The following KIF5A variants were observed in gnomAD, a reference collection of about 807,000 sequenced individuals.
KIF5A encodes kinesin heavy chain isoform 5A.
In KIF5A, 35 loss-of-function variants were observed where a neutral mutation model predicts 141.3. The ratio of observed to expected loss-of-function variants is 0.25; its 90% CI spans 0.19 to 0.33. The LOEUF (loss-of-function observed/expected upper bound fraction) is 0.33. Among genes scored for constraint, KIF5A ranks in the 10% least tolerant of loss-of-function variants. KIF5A has a pLI of 1.00. For missense variants in KIF5A, 861 were observed against 1,314.3 expected, an observed-to-expected ratio of 0.66 and a Z score of 5.33; for synonymous variants, 448 against 500.2, an observed-to-expected ratio of 0.90 and a Z score of 1.39.
intron 15 of KIF5A, among the ~76,000 whole-genome samples, chr12:57,573,929 A>G (rs1882338638): frequency 6.6e-6 from 1 of 150,914 alleles, no homozygotes; most frequent in South Asian, 2.1e-4. Flanking sequence ...AAAAAATACA[A>G]AAAATTAGCC....
chr12:57,551,672 C>T (rs1257474604), intron 1 of KIF5A, among the ~76,000 whole-genome samples: 2 of 152,128 alleles, frequency 1.3e-5, no homozygotes, highest in African/African-American at 2.4e-5. Context: ...ATCCACAGTG[C>T]TTGGCACAGA....
At chr12:57,568,033 C>G (rs1211353958) in intron 8 of KIF5A, among the ~76,000 whole-genome samples, 2 of 151,988 alleles carry the variant, frequency 1.3e-5, no homozygotes, top group African/African-American at 4.8e-5. Context: ...CAGGCTCCCG[C>G]CACCAAGCCC....
chr12:57,556,292 C>A (rs1432287997), intron 1 of KIF5A, among the ~76,000 whole-genome samples: 2 of 152,084 alleles, frequency 1.3e-5, no homozygotes, highest in African/African-American at 4.8e-5. Context: ...GCGCCTGCCA[C>A]CACGCCCGGC....
chr12:57,562,881 C>T (rs901389832), intron 1 of KIF5A, among the ~76,000 whole-genome samples: 2 of 151,986 alleles, frequency 1.3e-5, no homozygotes, highest in African/African-American at 4.8e-5. Flanking sequence ...GTGGAGTGCT[C>T]AATCATCACA....
chr12:57,569,640 G>C lies in KIF5A; in HGVS notation c.1074G>C (p.Glu358Asp), dbSNP rs771092084. 6.2e-7 allele frequency: 1 copy of C among 1,614,120 alleles called. No individual in the cohort carries two copies. Among genetic ancestry groups the C allele is most frequent in the Admixed American group, 1.7e-5 (1 of 60,022 alleles). The change falls in exon 11 of 29, where the codon GAG (glutamate) becomes GAC (aspartate). Residue 358 changes from glutamate to aspartate, a missense_variant. Transcript: ENST00000455537. ...AGGAGAAGACAAAGGCCCAGAAGGA[G>C]ACGATTGCGAAGCTGGAGGCTGAGC... ...KEKEKTKAQK[E>D]TIAKLEAELS...
At chr12:57,583,752 G>A (rs1026277460) in intron 28 of KIF5A, among the ~76,000 whole-genome samples, 5 of 152,126 alleles carry the variant, frequency 3.3e-5, no homozygotes, top group African/African-American at 7.2e-5. Context: ...ATCAGTCAGC[G>A]CTCCCCTCCC....
At chr12:57,556,695 T>TG (rs1565693264) in intron 1 of KIF5A, among the ~76,000 whole-genome samples, 1 of 77,974 alleles carries the variant, frequency 1.3e-5, no homozygotes, top group Admixed American at 1.4e-4. Context: ...CATGTGTTTG[T>TG]GGGGGGAGGG....
At chr12:57,577,952 G>C in intron 21 of KIF5A, 57 bp from the exon 22 acceptor site, 1 of 1,421,980 alleles carries the variant, frequency 7.0e-7, no homozygotes, top group Admixed American at 1.7e-5. Context: ...TATAATTCTG[G>C]AGGAATAGGA....
intron 11 of KIF5A, 60 bp downstream of exon 11, chr12:57,569,743 C>A: frequency 7.5e-6 from 12 of 1,597,650 alleles, no homozygotes; most frequent in Non-Finnish European, 1.0e-5. Context: ...TGTTTGGGAG[C>A]CAACTCTGTT....
intron 5 of KIF5A, 105 bp downstream of exon 5, chr12:57,564,613 C>A: frequency 1.0e-6 from 1 of 977,142 alleles, no homozygotes; most frequent in Non-Finnish European, 1.7e-6. Flanking sequence ...ATGCAGAGGG[C>A]ACACAGCACC....
rs867837134 is a variant in KIF5A, at chr12:57,572,134, C to T, written c.1436C>T (p.Ala479Val). Reference protein sequence around the residue: ...ELSHLQSENDAAKDEVKEVLQ... With the variant: ...ELSHLQSENDVAKDEVKEVLQ... ...AGCCACCTGCAATCAGAGAACGATG[C>T]CGCTAAGGATGAGGTGAAGGAAGTG... The change falls in exon 14 of 29, where the codon GCC (alanine) becomes GTC (valine). Residue 479 changes from alanine (A) to valine (V), a missense_variant. Physicochemically the swap from Ala to Val is moderately conservative, Grantham distance 64. Transcript: ENST00000455537. This position sits in a 1 kb window ranked among gnomAD's most constrained non-coding sequence, Gnocchi z 4.2. The T allele has an allele frequency of 6.2e-7, 1 of 1,614,074 alleles. No individual in the cohort carries two copies. The highest frequency in any genetic ancestry group is 8.5e-7 in the Non-Finnish European group (1 of 1,180,022).
chr12:57,564,812 TCTTC>T (rs1482538763), intron 5 of KIF5A, 102 bp from the exon 6 acceptor site: 1 of 1,085,212 alleles, frequency 9.2e-7, no homozygotes, highest in Non-Finnish European at 1.4e-6. Context: ...ACAGGGAGAG[TCTTC>T]CTTTAGCACA....
rs565789768 is a variant in KIF5A at position 57,575,957 on chromosome 12, G to A, written c.2024-130G>A. ...TTCTCTGTTCCTGCTATATCAAATT[G>A]GACAGTCCTAACACAGAAGAACATC... On this transcript the variant is annotated intron_variant, in intron 17 of 28. Coordinates refer to ENST00000455537, the MANE Select transcript of KIF5A (RefSeq NM_004984.4). 121 of 970,294 alleles carry A rather than the reference G, an allele frequency of 1.2e-4. 1 individual carries two copies. In the African/African-American group the frequency reaches 1.7e-3, roughly 14 times the overall value. The allele number at this position is 970,294 out of a possible 1,614,324, so 60.1% of individuals were successfully genotyped here.
At position 57,551,886 on chromosome 12, in the gene KIF5A, C is replaced by G. The variant is rs1335077015; in HGVS notation, c.129+1486C>G. Among the ~76,000 whole-genome samples, 3 of 151,930 alleles carry G rather than the reference C, an allele frequency of 2.0e-5. No individual in the cohort carries two copies. In the South Asian group the frequency reaches 6.2e-4, roughly 32 times the overall value. ...GGATGCTTTTGGTCTCTCTCTCTCT[C>G]TCTCTCTCTCTCTCTCTCTCTGTGT... On this transcript the variant is annotated intron_variant, in intron 1 of 28. Coordinates refer to ENST00000455537, the MANE Select transcript of KIF5A (RefSeq NM_004984.4).
At chr12:57,571,410 A>C in intron 13 of KIF5A, 21 bp downstream of exon 13, 1 of 1,613,156 alleles carries the variant, frequency 6.2e-7, no homozygotes, top group Non-Finnish European at 8.5e-7. Flanking sequence ...GGAGGGCAGG[A>C]CATGAGAGGA....
At position 57,556,121 on chromosome 12, in the gene KIF5A, A is replaced by G. The variant is rs139970127; in HGVS notation, c.129+5721A>G. Among the ~76,000 whole-genome samples the G allele has an allele frequency of 3.2e-3, 471 of 146,786 alleles. 19 individuals are homozygous for G. In the East Asian group the frequency reaches 0.073, roughly 23 times the overall value. Reference sequence around the variant, plus strand: ...CCCTGCTCAGGAGATTACTAAATGCACCAATTTTTAGCTCTTGGGTATCTT... The same window carrying G: ...CCCTGCTCAGGAGATTACTAAATGCGCCAATTTTTAGCTCTTGGGTATCTT... On this transcript the variant is annotated intron_variant, in intron 1 of 28. Coordinates refer to ENST00000455537, the MANE Select transcript of KIF5A (RefSeq NM_004984.4).
rs1485307416 is a variant in KIF5A, at chr12:57,572,837, A to G, written c.1716+111A>G. 2.5e-5 allele frequency: 33 copies of G among 1,313,830 alleles called. No homozygotes were observed. In the Admixed American group the frequency reaches 5.4e-4, roughly 21 times the overall value. 81.4% of individuals were successfully genotyped at this position (1,313,830 alleles called of 1,614,324 possible). On this transcript the variant is annotated intron_variant, in intron 15 of 28. Coordinates refer to ENST00000455537, the MANE Select transcript of KIF5A (RefSeq NM_004984.4). This position sits in a 1 kb window ranked among gnomAD's most constrained non-coding sequence, Gnocchi z 4.2. ...AGAAAGGCAGCCAGAGAGCCAGGAA[A>G]CATGCCTTTGAACTAGACCCAGGAA...
At position 57,550,367 on chromosome 12, in the gene KIF5A, C is replaced by T; in HGVS notation, c.96C>T (p.Pro32=). Residue 32 remains proline, a synonymous_variant, in exon 1 of 29, where the codon CCC becomes CCT. Transcript: ENST00000455537. This position sits in a 1 kb window ranked among gnomAD's most constrained non-coding sequence, Gnocchi z 4.6. ...AEILRGDKFI[P]IFQGDDSVVI... ...TTCTGCGGGGAGACAAGTTCATCCC[C>T]ATTTTCCAAGGGGACGACAGCGTCG... 6.2e-7 allele frequency: 1 copy of T among 1,614,220 alleles called. No homozygotes were observed. Among genetic ancestry groups the T allele is most frequent in the Non-Finnish European group, 8.5e-7 (1 of 1,180,036 alleles).
At chr12:57,562,081 C>G (rs1881924023) in intron 1 of KIF5A, among the ~76,000 whole-genome samples, 1 of 152,224 alleles carries the variant, frequency 6.6e-6, no homozygotes, top group Admixed American at 6.5e-5. Flanking sequence ...TCTAATGCAT[C>G]TAGCCATCAA....
Sources: allele counts gnomAD v4.1 joint callset (sites outside exome capture counted in the v4.1 genomes callset), GRCh38; gene constraint gnomAD v4.1.1; non-coding constraint Gnocchi (gnomAD v3.1); transcripts MANE v1.5; gene names NCBI Gene and HGNC (gene_info 2026-07-23, HGNC 2026-07-21).